The following PLA2G4E variants were observed in gnomAD, a reference collection of about 807,000 sequenced individuals.
The protein encoded by PLA2G4E is phospholipase A2 group IVE.
In PLA2G4E, 84 loss-of-function variants were observed where a neutral mutation model predicts 109.1. The ratio of observed to expected loss-of-function variants is 0.77; its 90% CI spans 0.65 to 0.92. PLA2G4E has a LOEUF of 0.92. PLA2G4E is among the 40% of genes least tolerant of loss of function. The probability of loss-of-function intolerance (pLI) is 0.00; values close to 1 mark genes in which losing one functional copy is unlikely to be tolerated. For missense variants in PLA2G4E, 1,057 were observed against 1,076.6 expected, an observed-to-expected ratio of 0.98 and a Z score of 0.25; for synonymous variants, 469 against 436.1, an observed-to-expected ratio of 1.08 and a Z score of -0.94.
At chr15:42,024,073 G>A (rs1039030159) in intron 1 of PLA2G4E, among the ~76,000 whole-genome samples, 18 of 152,180 alleles carry the variant, frequency 1.2e-4, no homozygotes, top group African/African-American at 4.3e-4. Context: ...AATCTAGAAA[G>A]GGGAGGAAAG....
chr15:41,997,273 G>C lies in PLA2G4E; in HGVS notation c.975-14C>G. On this transcript the variant is annotated splice_polypyrimidine_tract_variant and intron_variant, in intron 10 of 19. Coordinates refer to ENST00000399518, the Ensembl canonical transcript of PLA2G4E. ...AGTGTCTCAGGGCTGGAGGGAGAGA[G>C]GACCCTGTATTGGGCCTGCAGCCTC... 6.5e-7 allele frequency: 1 copy of C among 1,536,088 alleles called. No individual in the cohort carries two copies. The highest frequency in any genetic ancestry group is 1.2e-5 in the South Asian group (1 of 82,136).
At chr15:42,013,359 C>A (rs1298956838) in intron 2 of PLA2G4E, among the ~76,000 whole-genome samples, 1 of 152,136 alleles carries the variant, frequency 6.6e-6, no homozygotes, top group South Asian at 2.1e-4. Context: ...TCTTGGAAAT[C>A]GATTCCAGGA....
intron 10 of PLA2G4E, chr15:41,998,650 G>A (rs562244724): frequency 6.6e-6 from 1 of 152,318 alleles, no homozygotes; most frequent in South Asian, 2.1e-4. Context: ...CAAAGAACGA[G>A]GTTGAGCCCC....
chr15:42,025,311 C>A (rs1566847868), intron 1 of PLA2G4E, among the ~76,000 whole-genome samples: 1 of 152,096 alleles, frequency 6.6e-6, no homozygotes, highest in Non-Finnish European at 1.5e-5. Context: ...CTGAGAGGGG[C>A]TTCTGGCCAA....
intron 1 of PLA2G4E, among the ~76,000 whole-genome samples, chr15:42,043,452 G>T (rs183908381): frequency 2.0e-5 from 3 of 151,492 alleles, no homozygotes; most frequent in Non-Finnish European, 4.4e-5. Flanking sequence ...AACTCATCTC[G>T]TGGGGCAAGT....
intron 13 of PLA2G4E, 137 bp from the exon 14 acceptor site, chr15:41,990,372 C>A (rs2068223565): frequency 1.4e-6 from 1 of 724,902 alleles, no homozygotes; most frequent in Non-Finnish European, 2.3e-6. Flanking sequence ...TCGGCCCCAG[C>A]TGACACCAGC....
chr15:42,010,133 C>CCA (rs1555386992), intron 2 of PLA2G4E: 43 of 435,368 alleles, frequency 9.9e-5, no homozygotes, highest in South Asian at 7.8e-4. Flanking sequence ...AGAACACTGG[C>CCA]CCCCCCACCC....
intron 1 of PLA2G4E, among the ~76,000 whole-genome samples, 97 bp downstream of exon 1, chr15:42,020,838 C>T (rs945923255): frequency 6.6e-6 from 1 of 152,194 alleles, no homozygotes; most frequent in Non-Finnish European, 1.5e-5. Context: ...TGAGGCCCGT[C>T]TCCTGCTCTC....
chr15:42,048,683 G>A (rs1219829187), intron 1 of PLA2G4E, among the ~76,000 whole-genome samples: 1 of 152,140 alleles, frequency 6.6e-6, no homozygotes, highest in Non-Finnish European at 1.5e-5. Context: ...TATGCCGCAG[G>A]CACTGTGCTA....
Position 42,011,873 on chromosome 15 carries a change from C to T in PLA2G4E, c.256+1812G>A, listed in dbSNP as rs185245750. On this transcript the variant is annotated intron_variant, in intron 2 of 19. Coordinates refer to ENST00000399518, the Ensembl canonical transcript of PLA2G4E. ...AGTGGGAAAGTGTCTGAGTGACCACCGTGGCATGGACAAGAAAGGCAAGAG... is the reference window on the plus strand; with the variant it reads ...AGTGGGAAAGTGTCTGAGTGACCACTGTGGCATGGACAAGAAAGGCAAGAG... 6.5e-4 allele frequency among the ~76,000 whole-genome samples: 99 copies of T among 152,274 alleles called. No individual in the cohort carries two copies. The East Asian group carries it at 0.016, about 24-fold the overall frequency.
At chr15:41,985,702 C>T (rs1248120612) in intron 18 of PLA2G4E, 137 bp downstream of exon 18, 9 of 1,127,770 alleles carry the variant, frequency 8.0e-6, no homozygotes, top group African/African-American at 3.1e-5. Flanking sequence ...ATGACTGCTG[C>T]TTGGCTTCCT....
chr15:42,040,268 A>C (rs1229748657), intron 1 of PLA2G4E, among the ~76,000 whole-genome samples: 1 of 152,200 alleles, frequency 6.6e-6, no homozygotes, highest in African/African-American at 2.4e-5. Context: ...AGACAAATCC[A>C]AGTGCATACA....
At chr15:41,987,116 C>T (rs2068154232) in intron 17 of PLA2G4E, 56 bp downstream of exon 17, 1 of 1,534,774 alleles carries the variant, frequency 6.5e-7, no homozygotes, top group Non-Finnish European at 9.0e-7. Flanking sequence ...CCTTGACATC[C>T]ACATCTTCCT....
chr15:41,992,724 G>C lies in PLA2G4E; in HGVS notation c.1470+13C>G. ...CAGGGCAGGGTGGGGCCCAGGAGAAGCCGAGCACCTACCTCGTCCCCCAGG... is the reference window on the plus strand; with the variant it reads ...CAGGGCAGGGTGGGGCCCAGGAGAACCCGAGCACCTACCTCGTCCCCCAGG... On this transcript the variant is annotated intron_variant, in intron 13 of 19. Coordinates refer to ENST00000399518, the Ensembl canonical transcript of PLA2G4E. The C allele has an allele frequency of 1.9e-6, 3 of 1,609,400 alleles. No homozygotes were observed. The highest frequency in any genetic ancestry group is 2.5e-6 in the Non-Finnish European group (3 of 1,177,798).
intron 10 of PLA2G4E, 123 bp from the exon 11 acceptor site, chr15:41,997,382 T>A: frequency 8.7e-7 from 1 of 1,152,042 alleles, no homozygotes; most frequent in Non-Finnish European, 1.2e-6. Flanking sequence ...TTCTGTGACC[T>A]TGGGTCTCCA....
At chr15:42,007,116 C>G (rs1326615418) in intron 3 of PLA2G4E, among the ~76,000 whole-genome samples, 1 of 152,226 alleles carries the variant, frequency 6.6e-6, no homozygotes, top group Admixed American at 6.5e-5. Context: ...GCCTCAAGCA[C>G]CTCCAGACTG....
At chr15:42,050,604 T>C (rs1020711996) in exon 1 of PLA2G4E, 10 of 1,550,464 alleles carry the variant, frequency 6.4e-6, no homozygotes, top group Non-Finnish European at 7.0e-6. Flanking sequence ...TCACTGAAAC[T>C]TCTTCCTGAC....
At chr15:42,026,418 T>TA (rs2068693540) in intron 1 of PLA2G4E, among the ~76,000 whole-genome samples, 1 of 152,056 alleles carries the variant, frequency 6.6e-6, no homozygotes, top group African/African-American at 2.4e-5. Context: ...AGGCAGGCTG[T>TA]AAAAAATTAA....
At chr15:42,000,195 G>C (rs750493526) in exon 8 of PLA2G4E, 5 of 1,593,722 alleles carry the variant, frequency 3.1e-6, no homozygotes, top group Non-Finnish European at 4.3e-6. Flanking sequence ...TTGGAAGCAG[G>C]CAGAGGTTGG....
Sources: gnomAD v4.1 joint callset for allele counts (sites outside exome capture counted in the v4.1 genomes callset) on GRCh38, gnomAD v4.1.1 for gene constraint, MANE v1.5 for transcripts, NCBI Gene and HGNC (gene_info 2026-07-23, HGNC 2026-07-21) for gene names.